Variants in CFAP144 observed in about 807,000 individuals in gnomAD.
CFAP144 encodes the protein cilia and flagella associated protein 144.
At chr1:43,147,353 A>G in the CFAP144 span, among the ~76,000 whole-genome samples, 4 of 151,346 alleles carry the variant, frequency 2.6e-5, no homozygotes, top group Non-Finnish European at 5.9e-5. Flanking sequence ...AGATGGTAAA[A>G]TTATATTACG....
the CFAP144 span, chr1:43,147,952 A>C: frequency 6.2e-7 from 1 of 1,613,942 alleles, no homozygotes; most frequent in Non-Finnish European, 8.5e-7. Flanking sequence ...GCCCAAGGCC[A>C]TGGCGGGACA....
the CFAP144 span, among the ~76,000 whole-genome samples, chr1:43,152,380 C>T: frequency 2.0e-5 from 3 of 152,214 alleles, no homozygotes; most frequent in Admixed American, 2.0e-4. Context: ...TCCTCTGCCT[C>T]TTCCCAGGGC....
chr1:43,152,677 A>G, the CFAP144 span: 1 of 721,522 alleles, frequency 1.4e-6, no homozygotes, highest in Non-Finnish European at 2.2e-6. Flanking sequence ...AGATGAGTGG[A>G]GAGACCAGAC....
At chr1:43,155,486 G>A in the CFAP144 span, among the ~76,000 whole-genome samples, 1 of 152,368 alleles carries the variant, frequency 6.6e-6, no homozygotes, top group East Asian at 1.9e-4. Flanking sequence ...TGGAGTTGCA[G>A]AGGGTCTGCA....
chr1:43,148,920 T>C, the CFAP144 span, among the ~76,000 whole-genome samples: 1 of 152,150 alleles, frequency 6.6e-6, no homozygotes, highest in Admixed American at 6.5e-5. Flanking sequence ...GACACCATCA[T>C]GCATATGGAT....
chr1:43,145,072 C>T, the CFAP144 span: 1 of 592,962 alleles, frequency 1.7e-6, no homozygotes, highest in South Asian at 2.1e-5. Flanking sequence ...ATTTTGTCTC[C>T]ATTCCCGTCT....
At chr1:43,153,634 TATAA>T in the CFAP144 span, among the ~76,000 whole-genome samples, 2 of 151,226 alleles carry the variant, frequency 1.3e-5, no homozygotes, top group Non-Finnish European at 2.9e-5. Context: ...TTTAAAAATA[TATAA>T]ATAAATAACA....
At chr1:43,153,608 T>TA in the CFAP144 span, among the ~76,000 whole-genome samples, 1 of 151,326 alleles carries the variant, frequency 6.6e-6, no homozygotes, top group South Asian at 2.1e-4. Context: ...GACTCTGTCT[T>TA]AAAAAAAATA....
chr1:43,155,163 G>C, the CFAP144 span, among the ~76,000 whole-genome samples: 1 of 152,200 alleles, frequency 6.6e-6, no homozygotes, highest in African/African-American at 2.4e-5. Flanking sequence ...AATCTTTGCC[G>C]GGGAGAAGAA....
At chr1:43,151,963 GT>G in the CFAP144 span, among the ~76,000 whole-genome samples, 1 of 152,196 alleles carries the variant, frequency 6.6e-6, no homozygotes, top group Non-Finnish European at 1.5e-5. Flanking sequence ...CCAGGCAGGA[GT>G]TAGCTGCTCG....
At chr1:43,151,942 G>A in the CFAP144 span, among the ~76,000 whole-genome samples, 5 of 152,206 alleles carry the variant, frequency 3.3e-5, no homozygotes, top group East Asian at 7.7e-4. Context: ...AGGAAATGAG[G>A]GTCCTGAAAG....
At chr1:43,151,102 T>C in the CFAP144 span, among the ~76,000 whole-genome samples, 1 of 152,246 alleles carries the variant, frequency 6.6e-6, no homozygotes, top group East Asian at 1.9e-4. Flanking sequence ...GACTTAACAT[T>C]GCCTTCGTTC....
At chr1:43,147,786 C>A in the CFAP144 span, 2 of 1,465,910 alleles carry the variant, frequency 1.4e-6, no homozygotes, top group Non-Finnish European at 1.8e-6. Context: ...CGGGGCGATG[C>A]AGGCAGGGTA....
chr1:43,151,223 CT>C, the CFAP144 span, among the ~76,000 whole-genome samples: 2 of 152,164 alleles, frequency 1.3e-5, no homozygotes, highest in Non-Finnish European at 2.9e-5. Context: ...TTTTTTACCT[CT>C]TTTAGCCTAT....
chr1:43,152,851 C>G, the CFAP144 span: 3 of 1,611,540 alleles, frequency 1.9e-6, no homozygotes. Flanking sequence ...TCTCATTCAC[C>G]ATGCTGCCCA....
At chr1:43,145,339 C>T in the CFAP144 span, 2 of 1,425,536 alleles carry the variant, frequency 1.4e-6, no homozygotes, top group African/African-American at 2.9e-5. Flanking sequence ...TGAGTGCAAC[C>T]CCTGAGAATC....
At chr1:43,143,019 T>C in the CFAP144 span, among the ~76,000 whole-genome samples, 1 of 152,132 alleles carries the variant, frequency 6.6e-6, no homozygotes, top group Non-Finnish European at 1.5e-5. Flanking sequence ...GTAAACTGCA[T>C]GTCACAGGGG....
chr1:43,145,856 A>G, the CFAP144 span, among the ~76,000 whole-genome samples: 545 of 152,366 alleles, frequency 3.6e-3, 2 homozygotes, highest in African/African-American at 0.012. Context: ...GGTAATTAAG[A>G]TAGTGTAGTG....
chr1:43,149,548 T>G, the CFAP144 span, among the ~76,000 whole-genome samples: 1 of 152,210 alleles, frequency 6.6e-6, no homozygotes, highest in Non-Finnish European at 1.5e-5. Flanking sequence ...AACTTGGTTT[T>G]CTTCTGGAGT....
Sources: allele counts gnomAD v4.1 joint callset (sites outside exome capture counted in the v4.1 genomes callset), GRCh38; gene constraint gnomAD v4.1.1; transcripts MANE v1.5; gene names NCBI Gene and HGNC (gene_info 2026-07-23, HGNC 2026-07-21).